Variants in RBM18 observed in about 807,000 individuals in gnomAD.
RBM18 encodes the protein probable RNA-binding protein 18.
A neutral mutation model predicts 26.4 loss-of-function variants in RBM18; 18 were observed. The ratio of observed to expected loss-of-function variants is 0.68; its 90% CI spans 0.47 to 1.01. RBM18 has a LOEUF of 1.01. Among genes scored for constraint, RBM18 ranks in the 50% least tolerant of loss-of-function variants. The pLI is 0.00. For missense variants in RBM18, 180 were observed against 219.2 expected, an observed-to-expected ratio of 0.82 and a Z score of 1.13; for synonymous variants, 74 against 81.1, an observed-to-expected ratio of 0.91 and a Z score of 0.47.
At chr9:122,243,298 A>C (rs1431475566) in intron 5 of RBM18, among the ~76,000 whole-genome samples, 1 of 152,178 alleles carries the variant, frequency 6.6e-6, no homozygotes, top group Non-Finnish European at 1.5e-5. Flanking sequence ...AATCCTTGCA[A>C]TGGCTCTACA....
At chr9:122,255,081 T>C (rs1831669581) in intron 2 of RBM18, among the ~76,000 whole-genome samples, 1 of 152,158 alleles carries the variant, frequency 6.6e-6, no homozygotes, top group Non-Finnish European at 1.5e-5. Flanking sequence ...GAATTTTAAT[T>C]TCGGGTTGTA....
chr9:122,254,405 C>T (rs1232430047), intron 2 of RBM18: 1 of 525,158 alleles, frequency 1.9e-6, no homozygotes, highest in African/African-American at 2.1e-5. Context: ...TATTTTGCTT[C>T]CTGGAGATGG....
At chr9:122,263,605 A>G (rs547716893) in intron 1 of RBM18, among the ~76,000 whole-genome samples, 2 of 152,332 alleles carry the variant, frequency 1.3e-5, no homozygotes, top group East Asian at 3.9e-4. Context: ...AAATAAATAA[A>G]GAAGATATAA....
intron 2 of RBM18, among the ~76,000 whole-genome samples, chr9:122,257,808 C>T (rs887945960): frequency 2.0e-5 from 3 of 152,024 alleles, no homozygotes; most frequent in Non-Finnish European, 4.4e-5. Flanking sequence ...AGTAGGGACA[C>T]ATATAAGAAA....
In RBM18 at chr9:122,238,672, C is replaced by T. The variant is rs917883008; in HGVS notation, c.*3212G>A. On this transcript the variant is annotated 3_prime_UTR_variant, in exon 6 of 6. Transcript: ENST00000417201. ...CGTAGTGAAGGACAGGTCATTAGGG[C>T]CTTACAGATCTTTCAATTTTTTCTA... is the stretch of plus-strand genomic sequence containing the variant. The T allele has an allele frequency of 2.6e-5, 4 of 152,176 alleles. 1 individual carries two copies. Among genetic ancestry groups the T allele is most frequent in the African/African-American group, 9.7e-5 (4 of 41,428 alleles). The allele number at this position is 152,176 out of a possible 1,614,324, so 9.4% of individuals were successfully genotyped here.
rs557910630 is a variant in RBM18, at chr9:122,240,073, A to G, written c.*1811T>C. Reference sequence around the variant, plus strand: ...AGTACAAATAATAAACAGTGCTTTAAATACAAATAAATAGCTCTGGTTTCT... The same window carrying G: ...AGTACAAATAATAAACAGTGCTTTAGATACAAATAAATAGCTCTGGTTTCT... On this transcript the variant is annotated 3_prime_UTR_variant, in exon 6 of 6. Transcript: ENST00000417201. 21 of 152,380 alleles carry G rather than the reference A, an allele frequency of 1.4e-4. No individual in the cohort carries two copies. Among genetic ancestry groups the G allele is most frequent in the Non-Finnish European group, 2.9e-4 (20 of 68,038 alleles). 9.4% of individuals were successfully genotyped at this position (152,380 alleles called of 1,614,324 possible).
At chr9:122,257,309 T>A (rs1361260600) in intron 2 of RBM18, among the ~76,000 whole-genome samples, 1 of 152,144 alleles carries the variant, frequency 6.6e-6, no homozygotes, top group Non-Finnish European at 1.5e-5. Context: ...GCCCAGCTAA[T>A]TTTTTGTATT....
chr9:122,263,722 A>G (rs1831880986), intron 1 of RBM18, among the ~76,000 whole-genome samples: 1 of 152,206 alleles, frequency 6.6e-6, no homozygotes, highest in Non-Finnish European at 1.5e-5. Flanking sequence ...GACATTTGGG[A>G]CTTGAATGAT....
intron 1 of RBM18, among the ~76,000 whole-genome samples, chr9:122,262,022 A>T (rs539390043): frequency 7.2e-5 from 11 of 152,340 alleles, no homozygotes; most frequent in African/African-American, 2.4e-4. Context: ...GTTTGAAAGC[A>T]GGTTGTGTGA....
intron 2 of RBM18, among the ~76,000 whole-genome samples, chr9:122,255,226 T>C (rs917938080): frequency 6.6e-6 from 1 of 152,220 alleles, no homozygotes; most frequent in Non-Finnish European, 1.5e-5. Flanking sequence ...AGTACATTAT[T>C]ATATGGTCTT....
intron 3 of RBM18, among the ~76,000 whole-genome samples, chr9:122,248,424 C>G (rs1457749996): frequency 3.3e-5 from 5 of 152,106 alleles, no homozygotes; most frequent in African/African-American, 1.2e-4. Flanking sequence ...GGAACCATAT[C>G]CTGGACTAGG....
chr9:122,248,692 T>C (rs530680725), intron 3 of RBM18, among the ~76,000 whole-genome samples: 1 of 152,224 alleles, frequency 6.6e-6, no homozygotes, highest in African/African-American at 2.4e-5. Flanking sequence ...CTGGCTGTAC[T>C]TTCCATCCTG....
chr9:122,243,690 A>G (rs1413190569), intron 5 of RBM18: 5 of 979,814 alleles, frequency 5.1e-6, no homozygotes, highest in South Asian at 4.7e-5. Flanking sequence ...AAAGGTATAC[A>G]TGGGCGAGAA....
intron 3 of RBM18, 131 bp downstream of exon 3, chr9:122,251,716 G>A (rs1171124762): frequency 2.6e-6 from 2 of 763,754 alleles, no homozygotes; most frequent in African/African-American, 1.8e-5. Context: ...AGGACTCAGT[G>A]TAAGGCACAC....
In RBM18 at chr9:122,238,904, G is replaced by C. The variant is rs563794915; in HGVS notation, c.*2980C>G. 2 of 152,318 alleles carry C rather than the reference G, an allele frequency of 1.3e-5. No individual in the cohort carries two copies. Among genetic ancestry groups the C allele is most frequent in the Admixed American group, 1.3e-4 (2 of 15,282 alleles). The allele number at this position is 152,318 out of a possible 1,614,324, so 9.4% of individuals were successfully genotyped here. On this transcript the variant is annotated 3_prime_UTR_variant, in exon 6 of 6. Transcript: ENST00000417201. Reference sequence around the variant, plus strand: ...AGTGTTGGAGGTGGTGAGATGGCTGGATTCAAGAGGCATTTGGAAGGTAGA... The same window carrying C: ...AGTGTTGGAGGTGGTGAGATGGCTGCATTCAAGAGGCATTTGGAAGGTAGA...
chr9:122,252,896 A>C (rs953351287), intron 2 of RBM18, among the ~76,000 whole-genome samples: 3 of 152,204 alleles, frequency 2.0e-5, no homozygotes, highest in African/African-American at 4.8e-5. Context: ...ATTCAAACAG[A>C]TGTGGCCTTA....
intron 1 of RBM18, among the ~76,000 whole-genome samples, chr9:122,262,090 T>C (rs1394174910): frequency 3.9e-5 from 6 of 152,002 alleles, no homozygotes; most frequent in Non-Finnish European, 7.4e-5. Context: ...AGAGAGATAA[T>C]AGTGCTTATT....
chr9:122,250,902 A>AATT (rs35650318), intron 3 of RBM18, among the ~76,000 whole-genome samples: 72,936 of 148,614 alleles, frequency 0.49, 18,403 homozygotes, highest in East Asian at 0.83. Context: ...CACTCATACA[A>AATT]ATTATTATTA....
chr9:122,260,749 T>G (rs1261182256), intron 2 of RBM18, among the ~76,000 whole-genome samples: 1 of 152,220 alleles, frequency 6.6e-6, no homozygotes, highest in African/African-American at 2.4e-5. Flanking sequence ...GTTCCATCTC[T>G]TCTCCCTTTT....
Sources: gnomAD v4.1 joint callset for allele counts (sites outside exome capture counted in the v4.1 genomes callset) on GRCh38, gnomAD v4.1.1 for gene constraint, MANE v1.5 for transcripts, NCBI Gene and HGNC (gene_info 2026-07-23, HGNC 2026-07-21) for gene names.